The following KDM6A variants were observed in gnomAD, a reference collection of about 807,000 sequenced individuals.
KDM6A encodes the protein lysine-specific demethylase 6A.
In KDM6A, 11 loss-of-function variants were observed where a neutral mutation model predicts 117.6. That is an observed-to-expected ratio of 0.09 (90% CI 0.06 to 0.15). The LOEUF (loss-of-function observed/expected upper bound fraction) is 0.15. KDM6A is among the 10% of genes least tolerant of loss of function. KDM6A has a pLI of 1.00. For missense variants in KDM6A, 799 were observed against 1,077.3 expected (o/e 0.74, Z 3.62); for synonymous variants, 384 against 396.1 (o/e 0.97, Z 0.36).
intron 2 of KDM6A, among the ~76,000 whole-genome samples, chrX:44,910,670 G>A (rs1280667882): frequency 9.2e-6 from 1 of 109,270 alleles, no homozygotes; most frequent in African/African-American, 3.3e-5. Context: ...TTGTGTCCCT[G>A]GGTATTTGAG....
intron 5 of KDM6A, among the ~76,000 whole-genome samples, chrX:45,014,620 A>C (rs979899173): frequency 4.5e-5 from 5 of 112,021 alleles, no homozygotes; most frequent in African/African-American, 1.6e-4. Context: ...GCTAGGGGAT[A>C]CCTTGAACTG....
chrX:44,899,231 G>A (rs2034159306), intron 2 of KDM6A, among the ~76,000 whole-genome samples: 1 of 86,446 alleles, frequency 1.2e-5, no homozygotes, highest in Admixed American at 1.2e-4. Flanking sequence ...ATGCGTGTGT[G>A]TGTGTGTGTG....
chrX:45,109,270 A>G (rs2046677264), intron 28 of KDM6A, among the ~76,000 whole-genome samples: 1 of 111,213 alleles, frequency 9.0e-6, no homozygotes, highest in African/African-American at 3.3e-5. Flanking sequence ...TTTAGAGGGT[A>G]AAATCAGCGA....
intron 20 of KDM6A, 92 bp downstream of exon 20, chrX:45,078,597 CTTTTTTCTTT>C (rs1215074890): frequency 2.2e-4 from 154 of 701,584 alleles, no homozygotes; most frequent in Middle Eastern, 4.6e-4. Context: ...TCTTTTTTTT[CTTTTTTCTTT>C]TTTTTTCTTT....
At chrX:44,948,712 T>G (rs1229954093) in intron 2 of KDM6A, among the ~76,000 whole-genome samples, 3 of 112,243 alleles carry the variant, frequency 2.7e-5, no homozygotes, top group African/African-American at 9.7e-5. Context: ...TAGAAATCCT[T>G]TATGTATAAA....
intron 4 of KDM6A, among the ~76,000 whole-genome samples, chrX:45,005,955 CCCCCCA>C: frequency 3.5e-5 from 2 of 56,345 alleles, no homozygotes; most frequent in African/African-American, 2.0e-4. Flanking sequence ...TTCACCTCAC[CCCCCCA>C]CCCCCCCACC....
chrX:45,057,557 G>C (rs754533138), intron 10 of KDM6A, among the ~76,000 whole-genome samples: 2 of 110,869 alleles, frequency 1.8e-5, no homozygotes, highest in Non-Finnish European at 3.8e-5. Context: ...CTTTCAGTCT[G>C]CCCTACATAT....
In KDM6A at chrX:44,947,391, AT is replaced by A. The variant is rs145856914; in HGVS notation, c.226-13877del. On this transcript the variant is annotated intron_variant, in intron 2 of 29. Coordinates refer to ENST00000611820, the MANE Select transcript of KDM6A (RefSeq NM_001291415.2). Reference sequence around the variant, plus strand: ...GCTTATGGTTGTGTAAATAATCAGAATTTTTTTTTTTTTTTTGAGTGTCTCC... The same window carrying A: ...GCTTATGGTTGTGTAAATAATCAGAATTTTTTTTTTTTTTTGAGTGTCTCC... Among the ~76,000 whole-genome samples, 895 of 98,198 alleles carry A rather than the reference AT, an allele frequency of 9.1e-3. 4 individuals carry two copies. Among genetic ancestry groups the A allele is most frequent in the African/African-American group, 0.016 (415 of 26,322 alleles). 85.3% of individuals were successfully genotyped at this position (98,198 alleles called of 115,157 possible).
intron 4 of KDM6A, among the ~76,000 whole-genome samples, chrX:45,008,381 A>G (rs1484593392): frequency 9.0e-6 from 1 of 110,834 alleles, no homozygotes; most frequent in African/African-American, 3.3e-5. Context: ...CTCAAAGAAA[A>G]TAAAAAATAA....
At chrX:45,029,328 G>A (rs186904526) in intron 6 of KDM6A, among the ~76,000 whole-genome samples, 33 of 110,937 alleles carry the variant, frequency 3.0e-4, no homozygotes, top group Middle Eastern at 4.7e-3. Flanking sequence ...CCAGCTACTC[G>A]GGAGGCTGAG....
chrX:44,930,949 T>TC (rs2036585869), intron 2 of KDM6A, among the ~76,000 whole-genome samples: 2 of 111,666 alleles, frequency 1.8e-5, no homozygotes, highest in African/African-American at 6.5e-5. Flanking sequence ...GGACCATCCC[T>TC]CCCCTCCTTC....
chrX:44,930,038 T>G (rs1438833865), intron 2 of KDM6A, among the ~76,000 whole-genome samples: 1 of 111,853 alleles, frequency 8.9e-6, no homozygotes, highest in Non-Finnish European at 1.9e-5. Flanking sequence ...TCATTTTGGT[T>G]TTAATTTGCA....
At chrX:44,980,508 T>C (rs1037405789) in intron 4 of KDM6A, among the ~76,000 whole-genome samples, 8 of 109,617 alleles carry the variant, frequency 7.3e-5, no homozygotes, top group Non-Finnish European at 1.5e-4. Flanking sequence ...TAGCCTTCTT[T>C]AAGACTCTAC....
At chrX:45,039,777 T>G (rs1160378168) in intron 8 of KDM6A, among the ~76,000 whole-genome samples, 2 of 54,900 alleles carry the variant, frequency 3.6e-5, no homozygotes, top group Non-Finnish European at 6.7e-5. Flanking sequence ...CCTTAATCCA[T>G]TTAACCCTGA....
intron 2 of KDM6A, among the ~76,000 whole-genome samples, chrX:44,933,416 C>T (rs1457216055): frequency 9.5e-6 from 1 of 105,277 alleles, no homozygotes; most frequent in African/African-American, 3.5e-5. Flanking sequence ...TGACTACAGG[C>T]GCCTGCCACC....
chrX:45,041,379 G>C (rs2043183207), intron 8 of KDM6A, among the ~76,000 whole-genome samples: 1 of 98,102 alleles, frequency 1.0e-5, no homozygotes, highest in African/African-American at 3.8e-5. Context: ...GGGGCGGCCG[G>C]GCAGAGGAGC....
chrX:45,044,371 C>T (rs985512189), intron 8 of KDM6A, among the ~76,000 whole-genome samples: 2 of 111,383 alleles, frequency 1.8e-5, no homozygotes, highest in African/African-American at 6.5e-5. Flanking sequence ...ATTCTTATAG[C>T]CTTTAAGGTT....
chrX:44,924,306 A>G (rs1197336729), intron 2 of KDM6A, among the ~76,000 whole-genome samples: 2 of 111,988 alleles, frequency 1.8e-5, no homozygotes, highest in Non-Finnish European at 3.8e-5. Context: ...ATCTACGTTC[A>G]ATATTCCGGC....
At chrX:45,091,339 T>C (rs1278739394) in intron 27 of KDM6A, among the ~76,000 whole-genome samples, 2 of 111,960 alleles carry the variant, frequency 1.8e-5, no homozygotes, top group Non-Finnish European at 3.8e-5. Flanking sequence ...ATAAGTTATA[T>C]AAATTCTTAC....
Sources: allele counts gnomAD v4.1 joint callset (sites outside exome capture counted in the v4.1 genomes callset), GRCh38; gene constraint gnomAD v4.1.1; transcripts MANE v1.5; gene names NCBI Gene and HGNC (gene_info 2026-07-23, HGNC 2026-07-21).